Variants in MAF observed in about 807,000 individuals in gnomAD.
The protein encoded by MAF is transcription factor Maf.
In MAF, 10 loss-of-function variants were observed where a neutral mutation model predicts 22.0. The ratio of observed to expected loss-of-function variants is 0.45; its 90% CI spans 0.28 to 0.77. The LOEUF (loss-of-function observed/expected upper bound fraction) is 0.77, where lower values mean the gene tolerates loss of function less well. Ranked by LOEUF, MAF falls within the 30% of genes least tolerant of loss-of-function variation. MAF has a pLI of 0.12. For synonymous variants in MAF, 337 were observed against 255.8 expected (o/e 1.32, Z -3.03); for missense variants, 544 against 548.4 (o/e 0.99, Z 0.08).
chr16:79,210,901 G>C, the MAF span, among the ~76,000 whole-genome samples: 2 of 152,318 alleles, frequency 1.3e-5, no homozygotes, highest in East Asian at 3.9e-4. Flanking sequence ...AGTGGGCTGG[G>C]AGGAAATGTA....
chr16:79,257,533 G>A, the MAF span, among the ~76,000 whole-genome samples: 1 of 152,166 alleles, frequency 6.6e-6, no homozygotes, highest in East Asian at 1.9e-4. Context: ...GTGGGTGAGG[G>A]CAGTGGGTCA....
chr16:79,278,485 A>G, the MAF span, among the ~76,000 whole-genome samples: 2 of 152,178 alleles, frequency 1.3e-5, no homozygotes, highest in East Asian at 1.9e-4. Context: ...TTGCTTTTCC[A>G]TCAACTTGTT....
At chr16:79,267,674 G>T in the MAF span, among the ~76,000 whole-genome samples, 15,675 of 152,192 alleles carry the variant, frequency 0.1, 1,477 homozygotes, top group South Asian at 0.33. Flanking sequence ...CTTCATCTTT[G>T]TGAGCCTCTA....
the MAF span, among the ~76,000 whole-genome samples, chr16:79,389,811 C>G: frequency 6.6e-6 from 1 of 151,102 alleles, no homozygotes. Context: ...GCCCTCTCTA[C>G]TAAAGATACA....
the MAF span, among the ~76,000 whole-genome samples, chr16:79,413,210 G>GTTGTT: frequency 1.7e-4 from 11 of 63,642 alleles, 2 homozygotes; most frequent in Admixed American, 7.3e-4. Flanking sequence ...GAGCTGTGCA[G>GTTGTT]TTTTTTTTTT....
At chr16:79,460,988 T>C in the MAF span, among the ~76,000 whole-genome samples, 1 of 152,230 alleles carries the variant, frequency 6.6e-6, no homozygotes, top group South Asian at 2.1e-4. Flanking sequence ...TGCCTTCTAC[T>C]GATGTACTTA....
chr16:79,404,384 G>A, the MAF span, among the ~76,000 whole-genome samples: 5 of 151,962 alleles, frequency 3.3e-5, no homozygotes, highest in Non-Finnish European at 1.5e-5. Flanking sequence ...GGATAGTCTC[G>A]ATCTCTTGAC....
chr16:79,458,791 A>G, the MAF span, among the ~76,000 whole-genome samples: 2 of 152,210 alleles, frequency 1.3e-5, no homozygotes, highest in Non-Finnish European at 1.5e-5. Flanking sequence ...GCCAAAGGTC[A>G]AAAGGGAGAT....
the MAF span, among the ~76,000 whole-genome samples, chr16:79,454,951 C>T: frequency 6.6e-6 from 1 of 151,910 alleles, no homozygotes; most frequent in Non-Finnish European, 1.5e-5. Flanking sequence ...ACAAAATAAG[C>T]CATGCATGGT....
chr16:79,439,090 G>C, the MAF span, among the ~76,000 whole-genome samples: 3 of 152,130 alleles, frequency 2.0e-5, no homozygotes, highest in Non-Finnish European at 2.9e-5. Flanking sequence ...TTGAGTCTGG[G>C]ATTTGCACAT....
At chr16:79,260,991 A>T in the MAF span, among the ~76,000 whole-genome samples, 10 of 151,322 alleles carry the variant, frequency 6.6e-5, no homozygotes, top group Non-Finnish European at 1.0e-4. Flanking sequence ...GGTACAGGAG[A>T]GGAGGCTGTT....
the MAF span, among the ~76,000 whole-genome samples, chr16:79,440,552 C>T: frequency 9.9e-5 from 15 of 152,164 alleles, no homozygotes; most frequent in Non-Finnish European, 1.8e-4. Flanking sequence ...TCTCCTGCCT[C>T]ACTCTCCTGA....
At chr16:79,266,353 AG>A in the MAF span, among the ~76,000 whole-genome samples, 2 of 152,074 alleles carry the variant, frequency 1.3e-5, no homozygotes, top group Admixed American at 6.6e-5. Context: ...ACCATGGATA[AG>A]GGGGGACTAC....
the MAF span, among the ~76,000 whole-genome samples, chr16:79,404,381 C>T: frequency 6.6e-6 from 1 of 152,106 alleles, no homozygotes; most frequent in African/African-American, 2.4e-5. Context: ...CCAGGATAGT[C>T]TCGATCTCTT....
chr16:79,415,177 C>A, the MAF span, among the ~76,000 whole-genome samples: 5 of 151,296 alleles, frequency 3.3e-5, no homozygotes, highest in Non-Finnish European at 7.4e-5. Flanking sequence ...GAGAGCTACA[C>A]GGGCAGGACT....
the MAF span, among the ~76,000 whole-genome samples, chr16:79,410,573 C>T: frequency 1.2e-4 from 18 of 152,246 alleles, no homozygotes; most frequent in South Asian, 3.5e-3. Context: ...TTAGACAAGT[C>T]CCTGATCTCA....
At chr16:79,230,593 G>A in the MAF span, among the ~76,000 whole-genome samples, 1 of 152,094 alleles carries the variant, frequency 6.6e-6, no homozygotes, top group African/African-American at 2.4e-5. Flanking sequence ...GCACAACACT[G>A]TGCCTCTCCA....
At chr16:79,427,431 C>G in the MAF span, among the ~76,000 whole-genome samples, 1 of 152,178 alleles carries the variant, frequency 6.6e-6, no homozygotes, top group Non-Finnish European at 1.5e-5. Context: ...TTTAAGCACA[C>G]GATTCTGTTG....
chr16:79,570,135 G>A, the MAF span, among the ~76,000 whole-genome samples: 1 of 151,792 alleles, frequency 6.6e-6, no homozygotes, highest in South Asian at 2.1e-4. Flanking sequence ...TAAATTGACA[G>A]GTTGATGCTT....
Sources: gnomAD v4.1 joint callset for allele counts (sites outside exome capture counted in the v4.1 genomes callset) on GRCh38, gnomAD v4.1.1 for gene constraint, MANE v1.5 for transcripts, NCBI Gene and HGNC (gene_info 2026-07-23, HGNC 2026-07-21) for gene names.